Variants in PPIP5K2 observed in about 807,000 individuals in gnomAD.
PPIP5K2 encodes diphosphoinositol pentakisphosphate kinase 2, also known as inositol hexakisphosphate and diphosphoinositol-pentakisphosphate kinase 2.
A neutral mutation model predicts 154.6 loss-of-function variants in PPIP5K2; 105 were observed. The observed-to-expected ratio is 0.68, with a 90% CI of 0.58 to 0.80. The LOEUF is 0.80. Ranked by LOEUF, PPIP5K2 falls within the 30% of genes least tolerant of loss-of-function variation. The pLI is 0.00. For missense variants in PPIP5K2, 992 were observed against 1,504.6 expected, an observed-to-expected ratio of 0.66 and a Z score of 5.64; for synonymous variants, 480 against 490.3, an observed-to-expected ratio of 0.98 and a Z score of 0.28.
At position 103,153,918 on chromosome 5, in the gene PPIP5K2, G is replaced by T. The variant is rs1554212181; in HGVS notation, c.1201G>T (p.Glu401Ter). Residue 401 changes from glutamate (E) to a stop codon, truncating the protein, a stop_gained, in exon 11 of 31, where the codon GAA becomes TAA. Coordinates refer to ENST00000358359, the MANE Select transcript of PPIP5K2 (RefSeq NM_001276277.3). LOFTEE classifies it high-confidence loss of function. ...DRTPKQKMKM[E>*]VRHQKFFDLF... is the part of the protein sequence containing the mutation. ...AACACCAAAACAAAAAATGAAAATG[G>T]AAGTGAGACATCAGAAGTATGTTTT... 2 of 1,603,936 alleles carry T rather than the reference G, an allele frequency of 1.2e-6. No individual in the cohort carries two copies. The highest frequency in any genetic ancestry group is 1.7e-6 in the Non-Finnish European group (2 of 1,173,460).
rs148959581 is a variant in PPIP5K2 at position 103,157,864 on chromosome 5, G to A, written c.1490-324G>A. Among the ~76,000 whole-genome samples, 46 of 152,244 alleles carry A rather than the reference G, an allele frequency of 3.0e-4. 1 individual carries two copies. In the East Asian group the frequency reaches 8.1e-3, roughly 27 times the overall value. ...AGCAGACATAGCACAACTAAATTAAGTACAATGAAAAAATTACTATGAGAG... is the reference window on the plus strand; with the variant it reads ...AGCAGACATAGCACAACTAAATTAAATACAATGAAAAAATTACTATGAGAG... On this transcript the variant is annotated intron_variant, in intron 14 of 30. Coordinates refer to ENST00000358359, the MANE Select transcript of PPIP5K2 (RefSeq NM_001276277.3).
chr5:103,158,947 T>C (rs181740198), intron 16 of PPIP5K2, among the ~76,000 whole-genome samples, 199 bp from the exon 17 acceptor site: 1 of 152,156 alleles, frequency 6.6e-6, no homozygotes, highest in East Asian at 1.9e-4. Context: ...AACCAAAATT[T>C]TTTTAACCAA....
intron 10 of PPIP5K2, among the ~76,000 whole-genome samples, chr5:103,153,546 A>G (rs1165390072): frequency 6.6e-6 from 1 of 151,958 alleles, no homozygotes; most frequent in African/African-American, 2.4e-5. Context: ...TATATAAGAA[A>G]GCTCAGAAAT....
intron 24 of PPIP5K2, 90 bp from the exon 25 acceptor site, chr5:103,183,144 T>TG (rs1799798588): frequency 9.2e-7 from 1 of 1,088,822 alleles, no homozygotes; most frequent in Non-Finnish European, 1.2e-6. Flanking sequence ...TCTGATCATT[T>TG]GGCTCTGTTG....
intron 1 of PPIP5K2, 100 bp downstream of exon 1, chr5:103,120,588 G>A: frequency 2.2e-6 from 1 of 450,362 alleles, no homozygotes; most frequent in Non-Finnish European, 4.5e-6. Flanking sequence ...GTGCTCTGCA[G>A]ACCCTAAACA....
At chr5:103,147,768 G>A (rs1306666298) in intron 6 of PPIP5K2, among the ~76,000 whole-genome samples, 163 bp from the exon 7 acceptor site, 2 of 151,930 alleles carry the variant, frequency 1.3e-5, no homozygotes, top group Admixed American at 1.3e-4. Context: ...GACTACTATA[G>A]TGCCAAGTAT....
intron 17 of PPIP5K2, among the ~76,000 whole-genome samples, chr5:103,160,272 G>C (rs776760340): frequency 6.6e-6 from 1 of 152,078 alleles, no homozygotes; most frequent in Non-Finnish European, 1.5e-5. Context: ...ATTTCCTTTA[G>C]CTGTATACCT....
At position 103,158,577 on chromosome 5, in the gene PPIP5K2, T is replaced by C; in HGVS notation, c.1737+4T>C. 1 of 1,566,218 alleles carries C rather than the reference T, an allele frequency of 6.4e-7. No homozygotes were observed. The highest frequency in any genetic ancestry group is 8.6e-7 in the Non-Finnish European group (1 of 1,164,828). The stretch of plus-strand genomic sequence containing the variant: ...GACTGCAGCTGCTTTTGCAAAGGTA[T>C]AAATAATTTTTTTTTAGAATTATTA... On this transcript the variant is annotated splice_donor_region_variant and intron_variant, in intron 16 of 30. Coordinates refer to ENST00000358359, the MANE Select transcript of PPIP5K2 (RefSeq NM_001276277.3).
rs540404620 is a variant in PPIP5K2 at position 103,188,981 on chromosome 5, T to A, written c.3352+1605T>A. On this transcript the variant is annotated intron_variant, in intron 28 of 30. Transcript: ENST00000358359. ...TTTTTCCTTTTTTAATATTGTGTTG[T>A]CTTATCTGTCCTATGAATTGTCATT... 16 of 444,724 alleles carry A rather than the reference T, an allele frequency of 3.6e-5. No homozygotes were observed. The Admixed American group carries it at 3.7e-4, about 10-fold the overall frequency. 27.5% of individuals were successfully genotyped at this position (444,724 alleles called of 1,614,324 possible).
intron 5 of PPIP5K2, among the ~76,000 whole-genome samples, chr5:103,142,752 G>A (rs2149517971): frequency 6.7e-6 from 1 of 148,994 alleles, no homozygotes; most frequent in South Asian, 2.2e-4. Context: ...CTCCAGCCTG[G>A]GCGAGTGAGC....
In PPIP5K2 at chr5:103,142,107, G is replaced by C. The variant is rs560336914; in HGVS notation, c.487+3638G>C. On this transcript the variant is annotated intron_variant, in intron 5 of 30. Coordinates refer to ENST00000358359, the MANE Select transcript of PPIP5K2 (RefSeq NM_001276277.3). Reference sequence around the variant, plus strand: ...GGGGTGGTGCTCGTTGGGGAGGCTCGGGCCGCACAGGAGCCCATGGAGTGG... The same window carrying C: ...GGGGTGGTGCTCGTTGGGGAGGCTCCGGCCGCACAGGAGCCCATGGAGTGG... 2.6e-4 allele frequency among the ~76,000 whole-genome samples: 40 copies of C among 152,300 alleles called. No homozygotes were observed. The East Asian group carries it at 6.2e-3, about 24-fold the overall frequency.
intron 3 of PPIP5K2, 98 bp from the exon 4 acceptor site, chr5:103,136,634 A>G (rs1791549342): frequency 1.1e-6 from 1 of 888,528 alleles, no homozygotes; most frequent in African/African-American, 1.6e-5. Flanking sequence ...GTGTTAATGA[A>G]ATGAATCTTT....
chr5:103,148,220 A>G, intron 7 of PPIP5K2, 188 bp downstream of exon 7: 1 of 642,744 alleles, frequency 1.6e-6, no homozygotes, highest in East Asian at 3.0e-5. Flanking sequence ...TTTTAAGAGT[A>G]GTGTTTTTAA....
intron 10 of PPIP5K2, 129 bp from the exon 11 acceptor site, chr5:103,153,719 C>T: frequency 8.7e-6 from 5 of 573,540 alleles, no homozygotes; most frequent in Non-Finnish European, 1.2e-5. Flanking sequence ...AAGTATTATT[C>T]TTCATGGGAA....
chr5:103,163,002 G>A (rs1470165738), intron 17 of PPIP5K2, among the ~76,000 whole-genome samples: 1 of 144,674 alleles, frequency 6.9e-6, no homozygotes, highest in Admixed American at 7.1e-5. Flanking sequence ...TGTGTGATCT[G>A]TTTCTGGACC....
At chr5:103,178,999 A>T (rs1361177397) in intron 23 of PPIP5K2, among the ~76,000 whole-genome samples, 1 of 151,878 alleles carries the variant, frequency 6.6e-6, no homozygotes, top group African/African-American at 2.4e-5. Context: ...TATAGCTAGC[A>T]AACTTATAAC....
intron 5 of PPIP5K2, among the ~76,000 whole-genome samples, chr5:103,139,948 A>C (rs1792268199): frequency 6.6e-6 from 1 of 152,190 alleles, no homozygotes. Context: ...AGTGAGCTTG[A>C]AAACTGGCTA....
intron 27 of PPIP5K2, 49 bp from the exon 28 acceptor site, chr5:103,187,265 C>G: frequency 7.1e-7 from 1 of 1,401,478 alleles, no homozygotes; most frequent in Non-Finnish European, 9.7e-7. Flanking sequence ...TTTAAGTGTT[C>G]TTTTTGTAGC....
intron 17 of PPIP5K2, among the ~76,000 whole-genome samples, chr5:103,160,892 A>G (rs1205862108): frequency 6.6e-6 from 1 of 150,580 alleles, no homozygotes; most frequent in Non-Finnish European, 1.5e-5. Context: ...TGACCATGGT[A>G]TACTTATTTA....
Sources: allele counts gnomAD v4.1 joint callset (sites outside exome capture counted in the v4.1 genomes callset), GRCh38; gene constraint gnomAD v4.1.1; transcripts MANE v1.5; gene names NCBI Gene and HGNC (gene_info 2026-07-23, HGNC 2026-07-21).